Variants in TENT4A observed in about 807,000 individuals in gnomAD.
TENT4A encodes the protein DNA polymerase kappa.
TENT4A carries 7 observed loss-of-function variants against 72.8 expected under a neutral mutation model. That is an observed-to-expected ratio of 0.10 (90% CI 0.05 to 0.18). The LOEUF is 0.18. TENT4A is among the 10% of genes least tolerant of loss of function. The pLI is 1.00. For missense variants in TENT4A, 831 were observed against 1,017.7 expected, an observed-to-expected ratio of 0.82 and a Z score of 2.50; for synonymous variants, 456 against 434.3, an observed-to-expected ratio of 1.05 and a Z score of -0.62.
chr5:6,740,569 G>C (rs1031858306), intron 4 of TENT4A, among the ~76,000 whole-genome samples: 7 of 141,622 alleles, frequency 4.9e-5, no homozygotes, highest in Non-Finnish European at 7.8e-5. Flanking sequence ...TGCCTGTGTG[G>C]TGATAGGGGA....
At chr5:6,735,843 C>G (rs981749372) in intron 1 of TENT4A, among the ~76,000 whole-genome samples, 1 of 151,772 alleles carries the variant, frequency 6.6e-6, no homozygotes, top group Admixed American at 6.6e-5. Context: ...CCACTGCAGC[C>G]TCTGCCTCCT....
chr5:6,719,778 T>A (rs1220354605), intron 1 of TENT4A, among the ~76,000 whole-genome samples: 1 of 152,172 alleles, frequency 6.6e-6, no homozygotes, highest in Non-Finnish European at 1.5e-5. Flanking sequence ...ATTTTTGAGA[T>A]TTCTATGTTG....
At chr5:6,733,041 G>A (rs1205196280) in intron 1 of TENT4A, among the ~76,000 whole-genome samples, 3 of 152,244 alleles carry the variant, frequency 2.0e-5, no homozygotes, top group African/African-American at 4.8e-5. Flanking sequence ...TGTTCCTGGC[G>A]TTGTGTCCTT....
chr5:6,725,744 G>A (rs1740886046), intron 1 of TENT4A, among the ~76,000 whole-genome samples: 1 of 152,162 alleles, frequency 6.6e-6, no homozygotes. Flanking sequence ...AGCACAAGCA[G>A]GTGGCTGCCA....
At chr5:6,750,549 C>T in intron 10 of TENT4A, 46 bp downstream of exon 10, 2 of 1,482,020 alleles carry the variant, frequency 1.3e-6, no homozygotes, top group Non-Finnish European at 1.8e-6. Context: ...CAGTTTGTGT[C>T]TCTGGTAAAT....
chr5:6,740,302 T>C (rs758651252), intron 4 of TENT4A, among the ~76,000 whole-genome samples: 5 of 152,194 alleles, frequency 3.3e-5, no homozygotes, highest in Admixed American at 6.5e-5. Context: ...CCAAAAAATA[T>C]ACATATATGA....
At chr5:6,751,997 C>T (rs1204238232) in intron 11 of TENT4A, among the ~76,000 whole-genome samples, 1 of 152,166 alleles carries the variant, frequency 6.6e-6, no homozygotes, top group African/African-American at 2.4e-5. Context: ...AGAGCCATGG[C>T]CCAGCCGGAC....
At chr5:6,716,191 C>G (rs1740378151) in intron 1 of TENT4A, among the ~76,000 whole-genome samples, 1 of 152,166 alleles carries the variant, frequency 6.6e-6, no homozygotes, top group Non-Finnish European at 1.5e-5. Flanking sequence ...TAGTCAGGCT[C>G]AGTAGGTGGT....
intron 7 of TENT4A, among the ~76,000 whole-genome samples, chr5:6,747,691 CAAAG>C (rs1019763441): frequency 1.4e-4 from 22 of 152,138 alleles, no homozygotes; most frequent in Non-Finnish European, 1.5e-5. Context: ...ACTCAAAAAA[CAAAG>C]ACCCACATAA....
rs1742720512 is a variant in TENT4A, at chr5:6,756,714, AAACTG to A, written c.*1771_*1775del. 6.5e-6 allele frequency: 1 copy of A among 152,680 alleles called. No homozygotes were observed. The highest frequency in any genetic ancestry group is 1.5e-5 in the Non-Finnish European group (1 of 68,040). The allele number at this position is 152,680 out of a possible 1,614,324, so 9.5% of individuals were successfully genotyped here. On this transcript the variant is annotated 3_prime_UTR_variant, in exon 13 of 13. Coordinates refer to ENST00000230859, the MANE Select transcript of TENT4A (RefSeq NM_006999.6). ...ACCTATTGATAAAGAATATTTATAA[AAACTG>A]ATCTGTAGGCCTGTACTAATCTCTA...
Position 6,750,353 on chromosome 5 carries a change from G to A in TENT4A, c.1710G>A (p.Glu570=). 6.2e-7 allele frequency: 1 copy of A among 1,612,134 alleles called. No individual in the cohort carries two copies. The highest frequency in any genetic ancestry group is 8.5e-7 in the Non-Finnish European group (1 of 1,179,176). The change falls in exon 10 of 13, where the codon GAG becomes GAA. Residue 570 remains glutamate (E), a synonymous_variant. Coordinates refer to ENST00000230859, the MANE Select transcript of TENT4A (RefSeq NM_006999.6). ...PGMDSRIKIK[E]RIATCNGEQT... ...CAGACAGCAGGATCAAGATCAAAGA[G>A]CGAATAGCCACATGCAATGGGGAGC...
At chr5:6,739,932 C>T (rs1053443636) in intron 4 of TENT4A, 80 bp downstream of exon 4, 51 of 1,392,730 alleles carry the variant, frequency 3.7e-5, no homozygotes, top group African/African-American at 5.7e-5. Flanking sequence ...GCCTGCGTCA[C>T]GAGCTTGTGG....
At chr5:6,731,936 G>C (rs914020616) in intron 1 of TENT4A, among the ~76,000 whole-genome samples, 1 of 152,184 alleles carries the variant, frequency 6.6e-6, no homozygotes, top group Non-Finnish European at 1.5e-5. Context: ...CAGCCCCACT[G>C]TTCTTTCTAA....
intron 1 of TENT4A, among the ~76,000 whole-genome samples, chr5:6,727,850 T>C: frequency 6.6e-6 from 1 of 151,926 alleles, no homozygotes; most frequent in Middle Eastern, 3.2e-3. Context: ...CTCTGCTGTC[T>C]GTATCAGCCA....
At position 6,749,563 on chromosome 5, in the gene TENT4A, A is replaced by G; in HGVS notation, c.1593A>G (p.Leu531=). The G allele has an allele frequency of 1.2e-6, 2 of 1,608,174 alleles. No individual in the cohort carries two copies. Among genetic ancestry groups the G allele is most frequent in the Non-Finnish European group, 1.7e-6 (2 of 1,174,584 alleles). ...CAACAATGTCCCTTTGCAGTACTTTAGGAAGAATCATCAAAGTAACTCAGG... is the reference window on the plus strand; with the variant it reads ...CAACAATGTCCCTTTGCAGTACTTTGGGAAGAATCATCAAAGTAACTCAGG... ...SYPNRDAEST[L]GRIIKVTQEV... is the part of the protein sequence containing the mutation. The change falls in exon 9 of 13, where the codon TTA becomes TTG. Residue 531 remains leucine (L), a synonymous_variant. Transcript: ENST00000230859.
At chr5:6,730,002 T>G (rs1160228804) in intron 1 of TENT4A, among the ~76,000 whole-genome samples, 1 of 152,138 alleles carries the variant, frequency 6.6e-6, no homozygotes, top group Non-Finnish European at 1.5e-5. Flanking sequence ...AAGTTAAGTA[T>G]TTTTTCTGTA....
chr5:6,755,031 C>A lies in TENT4A; in HGVS notation c.*86C>A, dbSNP rs1742618807. On this transcript the variant is annotated 3_prime_UTR_variant, in exon 13 of 13. Transcript: ENST00000230859. ...CCGGCAGGGGAACCGAGACCAGCAC[C>A]CCGCACGTCAGCCGGGCTCGCGGCA... is the stretch of plus-strand genomic sequence containing the variant. The A allele has an allele frequency of 8.1e-7, 1 of 1,241,864 alleles. No homozygotes were observed. The highest frequency in any genetic ancestry group is 1.7e-5 in the South Asian group (1 of 57,724). 76.9% of individuals were successfully genotyped at this position (1,241,864 alleles called of 1,614,324 possible).
At chr5:6,743,991 A>T in intron 6 of TENT4A, 151 bp downstream of exon 6, 1 of 717,244 alleles carries the variant, frequency 1.4e-6, no homozygotes, top group Non-Finnish European at 2.3e-6. Flanking sequence ...CTTACAATCA[A>T]ACCCTCTTGA....
rs1264196146 is a variant in TENT4A at position 6,713,581 on chromosome 5, G to T, written c.-403G>T. On this transcript the variant is annotated 5_prime_UTR_variant, in exon 1 of 13. Coordinates refer to ENST00000230859, the MANE Select transcript of TENT4A (RefSeq NM_006999.6). ...CGGGTCCTTCAGCCGCTCGGCGCCT[G>T]GGCCCGCCCCCTCGGCCCCGCCGCC... 2 of 147,230 alleles carry T rather than the reference G, an allele frequency of 1.4e-5. No homozygotes were observed. Among genetic ancestry groups the T allele is most frequent in the Non-Finnish European group, 3.0e-5 (2 of 65,858 alleles). The allele number at this position is 147,230 out of a possible 1,614,324, so 9.1% of individuals were successfully genotyped here.
Sources: allele counts gnomAD v4.1 joint callset (sites outside exome capture counted in the v4.1 genomes callset), GRCh38; gene constraint gnomAD v4.1.1; transcripts MANE v1.5; gene names NCBI Gene and HGNC (gene_info 2026-07-23, HGNC 2026-07-21).